COMMD8: variants seen among roughly 807,000 people sequenced by gnomAD.
The protein encoded by COMMD8 is COMM domain containing 8, also known as COMM domain-containing protein 8.
In COMMD8, 28 loss-of-function variants were observed where a neutral mutation model predicts 27.2. The ratio of observed to expected loss-of-function variants is 1.03; its 90% CI spans 0.76 to 1.41. The LOEUF (loss-of-function observed/expected upper bound fraction) is 1.41. COMMD8 is among the 40% of genes most tolerant of loss of function. The probability of loss-of-function intolerance (pLI) is 0.00; values close to 1 mark genes in which losing one functional copy is unlikely to be tolerated. For missense variants in COMMD8, 217 were observed against 211.2 expected (o/e 1.03, Z -0.17); for synonymous variants, 79 against 75.5 (o/e 1.05, Z -0.24).
intron 3 of COMMD8, among the ~76,000 whole-genome samples, chr4:47,455,320 T>G (rs1189686790): frequency 6.6e-6 from 1 of 152,102 alleles, no homozygotes; most frequent in Non-Finnish European, 1.5e-5. Context: ...CTGGTCTCCT[T>G]TATCTTTTAT....
chr4:47,457,977 C>T (rs1032248050), intron 2 of COMMD8, among the ~76,000 whole-genome samples: 17 of 151,824 alleles, frequency 1.1e-4, no homozygotes, highest in Admixed American at 3.3e-4. Context: ...TTTATTTTGG[C>T]AGTGCAGCCT....
intron 2 of COMMD8, among the ~76,000 whole-genome samples, chr4:47,458,797 C>A (rs1391538197): frequency 1.3e-5 from 2 of 151,920 alleles, no homozygotes; most frequent in African/African-American, 4.8e-5. Flanking sequence ...GTAATTAAAG[C>A]AGTATAGCAT....
At chr4:47,462,932 A>G (rs1238907838) in intron 1 of COMMD8, among the ~76,000 whole-genome samples, 1 of 152,208 alleles carries the variant, frequency 6.6e-6, no homozygotes, top group African/African-American at 2.4e-5. Context: ...AGACTTATAA[A>G]AAAGATGCTC....
intron 2 of COMMD8, among the ~76,000 whole-genome samples, chr4:47,457,600 G>A (rs1015529769): frequency 6.6e-6 from 1 of 151,982 alleles, no homozygotes; most frequent in Non-Finnish European, 1.5e-5. Context: ...GGCAAACCAC[G>A]ACAGATCTCA....
intron 2 of COMMD8, 139 bp from the exon 3 acceptor site, chr4:47,456,868 AGAAT>A (rs1729908380): frequency 1.6e-6 from 1 of 618,622 alleles, no homozygotes. Flanking sequence ...GAGTAAGATG[AGAAT>A]GAATAACCAG....
At chr4:47,454,359 T>C (rs1205952114) in intron 3 of COMMD8, among the ~76,000 whole-genome samples, 1 of 152,200 alleles carries the variant, frequency 6.6e-6, no homozygotes, top group Non-Finnish European at 1.5e-5. Context: ...AAGTGTCATG[T>C]TTCTACTAGG....
At chr4:47,457,926 G>GAT (rs148033105) in intron 2 of COMMD8, among the ~76,000 whole-genome samples, 2,446 of 150,652 alleles carry the variant, frequency 0.016, 57 homozygotes, top group African/African-American at 0.053. Context: ...CAAATCAAGA[G>GAT]ATATATAAAA....
chr4:47,456,680 A>G lies in COMMD8; in HGVS notation c.272T>C (p.Met91Thr). 2 of 1,608,268 alleles carry G rather than the reference A, an allele frequency of 1.2e-6. No homozygotes were observed. The highest frequency in any genetic ancestry group is 4.5e-5 in the East Asian group (2 of 44,484). ...QLNSLHQETI[M>T]KCVKSRKDEI... ...ATCTTTCCTACTTTTCACGCATTTC[A>G]TGATAGTTTCTTGATGAAGTGAATT... Residue 91 changes from methionine to threonine, a missense_variant, in exon 3 of 5, where the codon ATG (methionine) becomes ACG (threonine). Coordinates refer to ENST00000381571, the MANE Select transcript of COMMD8 (RefSeq NM_017845.5).
chr4:47,458,798 A>C (rs74377411), intron 2 of COMMD8, among the ~76,000 whole-genome samples: 7,283 of 152,204 alleles, frequency 0.048, 186 homozygotes, highest in Middle Eastern at 0.14. Flanking sequence ...TAATTAAAGC[A>C]GTATAGCATT....
chr4:47,462,512 T>C (rs1418933596), intron 1 of COMMD8, among the ~76,000 whole-genome samples: 2 of 152,126 alleles, frequency 1.3e-5, no homozygotes, highest in Non-Finnish European at 2.9e-5. Context: ...AGATTTTGGT[T>C]TGGGGTTTTT....
chr4:47,453,347 T>G (rs550789877), intron 3 of COMMD8, 133 bp from the exon 4 acceptor site: 12 of 647,382 alleles, frequency 1.9e-5, no homozygotes, highest in Middle Eastern at 4.4e-4. Context: ...GTGAAAGAAA[T>G]AAATTAAGTC....
chr4:47,458,594 T>C (rs996124141), intron 2 of COMMD8, among the ~76,000 whole-genome samples: 3 of 152,062 alleles, frequency 2.0e-5, no homozygotes, highest in African/African-American at 7.2e-5. Context: ...AAGCTAAATG[T>C]TGTTAAGATG....
rs1295015041 is a variant in COMMD8 at position 47,451,550 on chromosome 4, T to G, written c.*95A>C. The G allele has an allele frequency of 1.1e-6, 1 of 928,606 alleles. No individual in the cohort carries two copies. Among genetic ancestry groups the G allele is most frequent in the Non-Finnish European group, 1.7e-6 (1 of 576,826 alleles). The allele number at this position is 928,606 out of a possible 1,614,324, so 57.5% of individuals were successfully genotyped here. A position where few individuals can be genotyped will look rare whatever the true frequency, so the allele number is the denominator to read the frequency against. ...CTGCTTTCTCAGCCTGGTGCAACAG[T>G]CAAGACATCACAAGGTTTCTGAACA... On this transcript the variant is annotated 3_prime_UTR_variant, in exon 5 of 5. Transcript: ENST00000381571.
At chr4:47,451,951 C>T (rs1028616859) in intron 4 of COMMD8, among the ~76,000 whole-genome samples, 5 of 152,276 alleles carry the variant, frequency 3.3e-5, no homozygotes, top group East Asian at 3.9e-4. Context: ...GTAATCAAAG[C>T]ACTACAATGT....
At chr4:47,454,844 C>T (rs1182010255) in intron 3 of COMMD8, among the ~76,000 whole-genome samples, 3 of 123,426 alleles carry the variant, frequency 2.4e-5, no homozygotes, top group Non-Finnish European at 4.8e-5. Context: ...AGCCTGGGCA[C>T]CAAGAGCGAA....
rs1196641299 is a variant in COMMD8, at chr4:47,450,949, G to A, written c.*696C>T. 1 of 152,266 alleles carries A rather than the reference G, an allele frequency of 6.6e-6. No homozygotes were observed. Among genetic ancestry groups the A allele is most frequent in the East Asian group, 1.9e-4 (1 of 5,204 alleles). The allele number at this position is 152,266 out of a possible 1,614,324, so 9.4% of individuals were successfully genotyped here. On this transcript the variant is annotated 3_prime_UTR_variant, in exon 5 of 5. Coordinates refer to ENST00000381571, the MANE Select transcript of COMMD8 (RefSeq NM_017845.5). ...TATTTGAATATACACACTGCATAAT[G>A]ACAGCTATTTTTTATCAGAGCAATG...
intron 2 of COMMD8, chr4:47,459,775 A>G (rs766018021): frequency 1.8e-4 from 29 of 162,572 alleles, no homozygotes; most frequent in Middle Eastern, 2.8e-3. Flanking sequence ...AAGAGTGGTG[A>G]TCTCTAGGTA....
intron 3 of COMMD8, among the ~76,000 whole-genome samples, chr4:47,454,689 A>T (rs948992322): frequency 6.6e-6 from 1 of 151,856 alleles, no homozygotes; most frequent in African/African-American, 2.4e-5. Flanking sequence ...GACATGGCAA[A>T]ACCCCATCTC....
At chr4:47,457,469 T>C (rs893302590) in intron 2 of COMMD8, among the ~76,000 whole-genome samples, 21 of 152,116 alleles carry the variant, frequency 1.4e-4, no homozygotes, top group African/African-American at 4.6e-4. Context: ...TATAGAAGAA[T>C]TGAAAAAATG....
Sources: allele counts gnomAD v4.1 joint callset (sites outside exome capture counted in the v4.1 genomes callset), GRCh38; gene constraint gnomAD v4.1.1; transcripts MANE v1.5; gene names NCBI Gene and HGNC (gene_info 2026-07-23, HGNC 2026-07-21).